KLF15: variants seen among roughly 807,000 people sequenced by gnomAD.
The protein encoded by KLF15 is Krueppel-like factor 15.
Under a neutral mutation model 24.6 loss-of-function variants are expected in KLF15, and 4 were observed. The ratio of observed to expected loss-of-function variants is 0.16; its 90% CI spans 0.08 to 0.37. KLF15 has a LOEUF of 0.37. Among genes scored for constraint, KLF15 ranks in the 10% least tolerant of loss-of-function variants. KLF15 has a pLI of 1.00. For missense variants in KLF15, 496 were observed against 560.6 expected, an observed-to-expected ratio of 0.88 and a Z score of 1.16; for synonymous variants, 246 against 236.3, an observed-to-expected ratio of 1.04 and a Z score of -0.37.
chr3:126,304,824 C>T, the KLF15 span, among the ~76,000 whole-genome samples: 2 of 152,226 alleles, frequency 1.3e-5, no homozygotes, highest in Admixed American at 6.5e-5. Context: ...GCTAGGAAAG[C>T]TATTGGCTGC....
the KLF15 span, among the ~76,000 whole-genome samples, chr3:126,327,217 T>A: frequency 6.6e-6 from 1 of 152,156 alleles, no homozygotes. Flanking sequence ...ACTTCTGGGA[T>A]GGAGTGGGGC....
chr3:126,310,333 T>C, the KLF15 span, among the ~76,000 whole-genome samples: 2 of 152,354 alleles, frequency 1.3e-5, no homozygotes, highest in East Asian at 1.9e-4. Context: ...CAGGCCTGGC[T>C]GCAGGCTATG....
rs2082498390 is a variant in KLF15 at position 126,343,409 on chromosome 3, C to A, written c.*318G>T. ...GAGCCCAGTGGGAGAAGGGCCAGGT[C>A]CCCAAAACTCTGCCTGCAACCAGCG... On this transcript the variant is annotated 3_prime_UTR_variant, in exon 3 of 3. Transcript: ENST00000296233. 3 of 331,262 alleles carry A rather than the reference C, an allele frequency of 9.1e-6. No individual in the cohort carries two copies. Among genetic ancestry groups the A allele is most frequent in the South Asian group, 4.3e-5 (1 of 23,318 alleles). 20.5% of individuals were successfully genotyped at this position (331,262 alleles called of 1,614,324 possible).
chr3:126,348,440 C>T (rs919296153), intron 2 of KLF15, among the ~76,000 whole-genome samples: 16 of 152,132 alleles, frequency 1.1e-4, no homozygotes, highest in Non-Finnish European at 2.9e-5. Flanking sequence ...CACATGGCGA[C>T]TCTGATACCA....
At chr3:126,349,423 G>A (rs1302129932) in intron 2 of KLF15, among the ~76,000 whole-genome samples, 1 of 152,168 alleles carries the variant, frequency 6.6e-6, no homozygotes, top group African/African-American at 2.4e-5. Flanking sequence ...CTTGCCAAGT[G>A]GGTCCTGGGC....
intron 1 of KLF15, among the ~76,000 whole-genome samples, chr3:126,354,935 G>A (rs990262659): frequency 1.3e-5 from 2 of 152,256 alleles, no homozygotes; most frequent in Admixed American, 6.5e-5. Context: ...CAGGTGTTGT[G>A]AGAATTCCGT....
At chr3:126,316,195 G>C in the KLF15 span, among the ~76,000 whole-genome samples, 1 of 152,024 alleles carries the variant, frequency 6.6e-6, no homozygotes, top group Non-Finnish European at 1.5e-5. Context: ...GCGGGGCTGG[G>C]AGTGCACGGG....
the KLF15 span, among the ~76,000 whole-genome samples, chr3:126,318,291 A>G: frequency 6.6e-6 from 1 of 152,202 alleles, no homozygotes; most frequent in South Asian, 2.1e-4. Context: ...ATTGGTTTAA[A>G]TTGTGTGGGA....
chr3:126,310,472 T>G, the KLF15 span, among the ~76,000 whole-genome samples: 410 of 152,238 alleles, frequency 2.7e-3, 4 homozygotes, highest in Middle Eastern at 3.4e-3. Flanking sequence ...CCCTACTAAG[T>G]TCACAGTGTC....
At chr3:126,317,141 A>G in the KLF15 span, among the ~76,000 whole-genome samples, 1 of 152,124 alleles carries the variant, frequency 6.6e-6, no homozygotes, top group Non-Finnish European at 1.5e-5. Context: ...GAGGGTGAAC[A>G]GGGCCTGCCT....
In KLF15 at chr3:126,357,406, A is replaced by T. The variant is rs1443981881; in HGVS notation, c.-195T>A. 31 of 146,940 alleles carry T rather than the reference A, an allele frequency of 2.1e-4. No homozygotes were observed. In the East Asian group the frequency reaches 6.2e-3, roughly 29 times the overall value. The allele number at this position is 146,940 out of a possible 1,614,324, so 9.1% of individuals were successfully genotyped here. Reference sequence around the variant, plus strand: ...GGCCCGCGGGTCGCTGCGGCGGAGCACTAGCCCGCCCGCAGCTCGCTGGGC... The same window carrying T: ...GGCCCGCGGGTCGCTGCGGCGGAGCTCTAGCCCGCCCGCAGCTCGCTGGGC... On this transcript the variant is annotated 5_prime_UTR_variant, in exon 1 of 3. Transcript: ENST00000296233.
chr3:126,301,706 CGG>C, the KLF15 span, among the ~76,000 whole-genome samples: 1 of 151,308 alleles, frequency 6.6e-6, no homozygotes, highest in South Asian at 2.1e-4. Context: ...CCTCTGCCCC[CGG>C]GGTTCAAGCA....
At chr3:126,346,524 A>G (rs1398238590) in intron 2 of KLF15, among the ~76,000 whole-genome samples, 1 of 152,082 alleles carries the variant, frequency 6.6e-6, no homozygotes, top group Admixed American at 6.5e-5. Flanking sequence ...CCACCTTCCA[A>G]GACTCATCTC....
the KLF15 span, among the ~76,000 whole-genome samples, chr3:126,334,959 AC>A: frequency 8.6e-6 from 1 of 115,764 alleles, no homozygotes; most frequent in Non-Finnish European, 1.7e-5. Flanking sequence ...AGAGTCCAGG[AC>A]CAGATGGATT....
chr3:126,307,183 C>T, the KLF15 span, among the ~76,000 whole-genome samples: 1 of 152,314 alleles, frequency 6.6e-6, no homozygotes, highest in East Asian at 1.9e-4. Context: ...CCACACACCG[C>T]CTGAGCAGCT....
chr3:126,322,987 T>C, the KLF15 span, among the ~76,000 whole-genome samples: 1 of 151,892 alleles, frequency 6.6e-6, no homozygotes, highest in Non-Finnish European at 1.5e-5. Context: ...CTGTTAAAAA[T>C]TCATATATAA....
At chr3:126,324,786 T>A in the KLF15 span, among the ~76,000 whole-genome samples, 1 of 90,136 alleles carries the variant, frequency 1.1e-5, no homozygotes, top group Non-Finnish European at 2.3e-5. Context: ...TTTTTGCTTT[T>A]AATTTTTTTT....
the KLF15 span, among the ~76,000 whole-genome samples, chr3:126,290,384 A>T: frequency 2.0e-5 from 3 of 152,046 alleles, no homozygotes; most frequent in Non-Finnish European, 4.4e-5. Context: ...CCCCTGGAAG[A>T]GGGGGTCTGT....
the KLF15 span, among the ~76,000 whole-genome samples, chr3:126,312,572 C>T: frequency 6.6e-6 from 1 of 152,220 alleles, no homozygotes; most frequent in Non-Finnish European, 1.5e-5. Context: ...CCGCCTGGCA[C>T]CCAGCAATGC....
Sources: gnomAD v4.1 joint callset for allele counts (sites outside exome capture counted in the v4.1 genomes callset) on GRCh38, gnomAD v4.1.1 for gene constraint, MANE v1.5 for transcripts, NCBI Gene and HGNC (gene_info 2026-07-23, HGNC 2026-07-21) for gene names.